MYRIP: variants seen among roughly 807,000 people sequenced by gnomAD.
MYRIP encodes the protein rab effector MyRIP.
MYRIP carries 49 observed loss-of-function variants against 98.0 expected under a neutral mutation model. That is an observed-to-expected ratio of 0.50 (90% CI 0.40 to 0.63). The LOEUF is 0.63. Among genes scored for constraint, MYRIP ranks in the 30% least tolerant of loss-of-function variants. The pLI, the probability that MYRIP is intolerant of heterozygous loss-of-function variation, is 0.00. For synonymous variants in MYRIP, 404 were observed against 409.5 expected (o/e 0.99, Z 0.16); for missense variants, 1,004 against 1,058.2 (o/e 0.95, Z 0.71).
chr3:39,996,791 C>T (rs1946370480), intron 2 of MYRIP, among the ~76,000 whole-genome samples: 1 of 152,144 alleles, frequency 6.6e-6, no homozygotes, highest in African/African-American at 2.4e-5. Flanking sequence ...AAGTAAAGCA[C>T]TCCTCAGCAA....
intron 2 of MYRIP, among the ~76,000 whole-genome samples, chr3:39,938,151 A>G (rs1018175422): frequency 8.5e-5 from 13 of 152,150 alleles, no homozygotes; most frequent in African/African-American, 3.1e-4. Flanking sequence ...GCTGCCTTTT[A>G]ATCACTATTC....
At chr3:39,825,110 A>T (rs1343938851) in intron 1 of MYRIP, among the ~76,000 whole-genome samples, 1 of 152,130 alleles carries the variant, frequency 6.6e-6, no homozygotes, top group East Asian at 1.9e-4. Context: ...GAGTATTTTG[A>T]TTTTTTGCTA....
At chr3:39,978,628 C>G (rs938642538) in intron 2 of MYRIP, among the ~76,000 whole-genome samples, 3 of 152,342 alleles carry the variant, frequency 2.0e-5, no homozygotes, top group East Asian at 3.9e-4. Context: ...TTGGCACAAG[C>G]CTGACCATGT....
rs1050637181 is a variant in MYRIP at position 40,093,066 on chromosome 3, AG to A, written c.332+48797del. 4.6e-5 allele frequency among the ~76,000 whole-genome samples: 7 copies of A among 152,314 alleles called. 1 individual carries two copies. In the South Asian group the frequency reaches 1.0e-3, roughly 23 times the overall value. ...TCCCTGTTAACCTCAAGGAAGCACC[AG>A]GTTCAAGAGGCCAAAGAAGAGACCC... is the stretch of plus-strand genomic sequence containing the variant. On this transcript the variant is annotated intron_variant, in intron 3 of 16. Transcript: ENST00000302541.
At chr3:40,256,967 ACTT>A (rs1300490403) in intron 16 of MYRIP, among the ~76,000 whole-genome samples, 2 of 152,222 alleles carry the variant, frequency 1.3e-5, no homozygotes, top group Non-Finnish European at 2.9e-5. Context: ...CACCAGTTGT[ACTT>A]CTTCAGAGAT....
chr3:39,826,089 T>A (rs185872007), intron 1 of MYRIP, among the ~76,000 whole-genome samples: 127 of 152,032 alleles, frequency 8.4e-4, no homozygotes, highest in African/African-American at 2.7e-3. Context: ...GTCTAGCTAA[T>A]AGTTTGTCAA....
chr3:40,124,899 CT>C (rs1281892240), intron 3 of MYRIP, among the ~76,000 whole-genome samples: 3 of 152,166 alleles, frequency 2.0e-5, no homozygotes, highest in Non-Finnish European at 4.4e-5. Flanking sequence ...CAGTTCCTTT[CT>C]TTTTTCAATT....
chr3:40,016,319 A>G (rs558885596), intron 2 of MYRIP, among the ~76,000 whole-genome samples: 16 of 152,228 alleles, frequency 1.1e-4, no homozygotes, highest in African/African-American at 3.6e-4. Context: ...ACTGCCAGGT[A>G]TGCCTATCCC....
chr3:39,989,252 T>G (rs1019540304), intron 2 of MYRIP, among the ~76,000 whole-genome samples: 11 of 152,296 alleles, frequency 7.2e-5, no homozygotes, highest in Non-Finnish European at 1.3e-4. Context: ...GTTGTTGCTT[T>G]CTGTTTGTTT....
chr3:40,094,603 T>A (rs1948790374), intron 3 of MYRIP, among the ~76,000 whole-genome samples: 1 of 152,208 alleles, frequency 6.6e-6, no homozygotes, highest in African/African-American at 2.4e-5. Context: ...CTGGTACCTG[T>A]GGCTATTCCT....
intron 1 of MYRIP, among the ~76,000 whole-genome samples, chr3:39,854,336 AT>A (rs1942222130): frequency 6.6e-6 from 1 of 151,830 alleles, no homozygotes; most frequent in Non-Finnish European, 1.5e-5. Context: ...GGCTTTGTTA[AT>A]TTTTTTATTC....
chr3:39,946,219 AG>A (rs1208024216), intron 2 of MYRIP, among the ~76,000 whole-genome samples: 1 of 152,152 alleles, frequency 6.6e-6, no homozygotes. Flanking sequence ...TTAATAGAAA[AG>A]CAAAGTCAAC....
intron 3 of MYRIP, among the ~76,000 whole-genome samples, chr3:40,092,248 G>T (rs1948747400): frequency 6.6e-6 from 1 of 152,142 alleles, no homozygotes; most frequent in Admixed American, 6.6e-5. Context: ...TAGAGTTTTT[G>T]CTGCTTGTTC....
At chr3:39,932,589 GT>G (rs1444002679) in intron 2 of MYRIP, among the ~76,000 whole-genome samples, 1 of 152,072 alleles carries the variant, frequency 6.6e-6, no homozygotes, top group Non-Finnish European at 1.5e-5. Flanking sequence ...GTTTCACCAT[GT>G]TAGCCAGGAT....
chr3:40,059,556 T>C (rs974206580), intron 3 of MYRIP, among the ~76,000 whole-genome samples: 32 of 152,338 alleles, frequency 2.1e-4, no homozygotes, highest in African/African-American at 7.0e-4. Flanking sequence ...TTTTTTCATA[T>C]GTTTGTTGGC....
intron 3 of MYRIP, among the ~76,000 whole-genome samples, chr3:40,131,897 G>A (rs1449985617): frequency 6.6e-6 from 1 of 151,350 alleles, no homozygotes; most frequent in African/African-American, 2.4e-5. Flanking sequence ...TTCAATGAGA[G>A]CTTCTCTTCA....
intron 8 of MYRIP, among the ~76,000 whole-genome samples, chr3:40,176,587 A>G (rs568820822): frequency 1.3e-5 from 2 of 152,170 alleles, no homozygotes; most frequent in East Asian, 3.9e-4. Context: ...CCATCTCTAC[A>G]AAAAATAAAA....
intron 2 of MYRIP, among the ~76,000 whole-genome samples, chr3:39,959,686 A>AT (rs1945272799): frequency 1.3e-5 from 2 of 151,334 alleles, no homozygotes; most frequent in South Asian, 4.2e-4. Flanking sequence ...AAAAAAAAAA[A>AT]GCAAACTTAC....
At chr3:40,054,627 A>C (rs1947848313) in intron 3 of MYRIP, among the ~76,000 whole-genome samples, 1 of 152,170 alleles carries the variant, frequency 6.6e-6, no homozygotes, top group Admixed American at 6.6e-5. Context: ...AAGATGAGGG[A>C]ATTCTTCCAG....
Sources: gnomAD v4.1 joint callset for allele counts (sites outside exome capture counted in the v4.1 genomes callset) on GRCh38, gnomAD v4.1.1 for gene constraint, MANE v1.5 for transcripts, NCBI Gene and HGNC (gene_info 2026-07-23, HGNC 2026-07-21) for gene names.